Variants in RIMKLA observed in about 807,000 individuals in gnomAD.
RIMKLA encodes N-acetylaspartylglutamate synthase A.
A neutral mutation model predicts 32.7 loss-of-function variants in RIMKLA; 14 were observed. The observed-to-expected ratio is 0.43, with a 90% confidence interval of 0.28 to 0.67. The LOEUF is 0.67. Ranked by LOEUF, RIMKLA falls within the 30% of genes least tolerant of loss-of-function variation. RIMKLA has a pLI of 0.18. For missense variants in RIMKLA, 410 were observed against 519.0 expected (o/e 0.79, Z 2.04); for synonymous variants, 176 against 204.1 (o/e 0.86, Z 1.18).
At chr1:42,388,182 G>A (rs1642966520) in intron 1 of RIMKLA, among the ~76,000 whole-genome samples, 1 of 152,132 alleles carries the variant, frequency 6.6e-6, no homozygotes, top group Non-Finnish European at 1.5e-5. Context: ...CTTTTACTCT[G>A]GATGAGCTGG....
At position 42,414,404 on chromosome 1, in the gene RIMKLA, T is replaced by C. The variant is rs1643227693; in HGVS notation, c.686-80T>C. On this transcript the variant is annotated intron_variant, in intron 4 of 4. Coordinates refer to ENST00000431473, the MANE Select transcript of RIMKLA (RefSeq NM_173642.4). Reference sequence around the variant, plus strand: ...ATCGAGCCTCTCTTTCTGCCCCTCCTGGGCAGATCCCTGTCTCTTCTTTGA... The same window carrying C: ...ATCGAGCCTCTCTTTCTGCCCCTCCCGGGCAGATCCCTGTCTCTTCTTTGA... 2.8e-6 allele frequency: 4 copies of C among 1,453,698 alleles called. No homozygotes were observed. The South Asian group carries it at 5.2e-5, about 19-fold the overall frequency. 90.0% of individuals were successfully genotyped at this position (1,453,698 alleles called of 1,614,324 possible).
chr1:42,397,321 A>G (rs763923474), intron 1 of RIMKLA, among the ~76,000 whole-genome samples: 3 of 152,192 alleles, frequency 2.0e-5, no homozygotes, highest in Non-Finnish European at 4.4e-5. Flanking sequence ...TAACTTCATT[A>G]GCACCCTTTT....
chr1:42,382,173 G>A (rs891210816), intron 1 of RIMKLA, among the ~76,000 whole-genome samples: 2 of 152,228 alleles, frequency 1.3e-5, no homozygotes, highest in East Asian at 1.9e-4. Context: ...CAAGTTTATC[G>A]AAGTCCCTCA....
At chr1:42,398,745 C>G (rs1643068268) in intron 1 of RIMKLA, among the ~76,000 whole-genome samples, 1 of 152,072 alleles carries the variant, frequency 6.6e-6, no homozygotes, top group African/African-American at 2.4e-5. Context: ...GGCGAGTGAA[C>G]TGCTTGAGCT....
chr1:42,395,960 G>A (rs190495779), intron 1 of RIMKLA, among the ~76,000 whole-genome samples: 2 of 152,276 alleles, frequency 1.3e-5, no homozygotes, highest in East Asian at 3.9e-4. Flanking sequence ...CAGAGCTAGC[G>A]CTGGGGGCGG....
intron 1 of RIMKLA, among the ~76,000 whole-genome samples, chr1:42,384,016 T>G (rs1642913003): frequency 1.3e-5 from 2 of 152,276 alleles, no homozygotes; most frequent in Admixed American, 6.5e-5. Flanking sequence ...TTCCATTGCT[T>G]CTTTATGTTA....
At chr1:42,413,985 G>A (rs979197197) in intron 4 of RIMKLA, among the ~76,000 whole-genome samples, 1 of 151,384 alleles carries the variant, frequency 6.6e-6, no homozygotes, top group Admixed American at 6.6e-5. Flanking sequence ...CAAACGCTTG[G>A]CCTCAAGCAA....
intron 1 of RIMKLA, among the ~76,000 whole-genome samples, chr1:42,390,836 G>A (rs1479000483): frequency 6.6e-6 from 1 of 152,118 alleles, no homozygotes; most frequent in Non-Finnish European, 1.5e-5. Context: ...ACAAAGGAGG[G>A]ACATAAAGGG....
chr1:42,413,842 C>G (rs1015066841), intron 4 of RIMKLA, among the ~76,000 whole-genome samples: 9 of 149,652 alleles, frequency 6.0e-5, no homozygotes, highest in Non-Finnish European at 1.2e-4. Context: ...TAGGGTTCCT[C>G]CCACCCCAGC....
chr1:42,411,472 CT>C (rs5773773), intron 4 of RIMKLA, among the ~76,000 whole-genome samples: 1 of 147,024 alleles, frequency 6.8e-6, no homozygotes. Context: ...CTTTTCTTTT[CT>C]TTTTTTTGAG....
rs1255103894 is a variant in RIMKLA at position 42,419,354 on chromosome 1, T to C, written c.*4380T>C. ...TAATTTTGCTGTGAGGTTCATGTTCTCTGGGGCTCCAGGGCAACACTAAGA... is the reference window on the plus strand; with the variant it reads ...TAATTTTGCTGTGAGGTTCATGTTCCCTGGGGCTCCAGGGCAACACTAAGA... On this transcript the variant is annotated 3_prime_UTR_variant, in exon 5 of 5. Transcript: ENST00000431473. The C allele has an allele frequency of 6.6e-6, 1 of 152,298 alleles. No homozygotes were observed. The highest frequency in any genetic ancestry group is 1.5e-5 in the Non-Finnish European group (1 of 68,110). 9.4% of individuals were successfully genotyped at this position (152,298 alleles called of 1,614,324 possible). A position where few individuals can be genotyped will look rare whatever the true frequency, so the allele number is the denominator to read the frequency against.
rs1214012130 is a variant in RIMKLA at position 42,423,570 on chromosome 1, C to G, written c.*8596C>G. 6.6e-6 allele frequency among the ~76,000 whole-genome samples: 1 copy of G among 152,186 alleles called. No individual in the cohort carries two copies. Among genetic ancestry groups the G allele is most frequent in the South Asian group, 2.1e-4 (1 of 4,832 alleles). ...CCTACCCTCTTGACGGTGGCTCTGG[C>G]AGAAACCATGCTGCAGGGGCACAGG... is the stretch of plus-strand genomic sequence containing the variant. On this transcript the variant is annotated 3_prime_UTR_variant, in exon 5 of 5. Transcript: ENST00000431473.
At chr1:42,405,275 G>A (rs896021019) in intron 3 of RIMKLA, among the ~76,000 whole-genome samples, 1 of 152,114 alleles carries the variant, frequency 6.6e-6, no homozygotes, top group African/African-American at 2.4e-5. Context: ...ATAGCATTTT[G>A]TATGTGCCTC....
chr1:42,383,331 G>C (rs1337136766), intron 1 of RIMKLA, among the ~76,000 whole-genome samples: 2 of 152,182 alleles, frequency 1.3e-5, no homozygotes, highest in African/African-American at 2.4e-5. Flanking sequence ...AAAACGATTA[G>C]ATCACCAATT....
Position 42,380,868 on chromosome 1 carries a change from C to T in RIMKLA, c.-67C>T. 8.9e-7 allele frequency: 1 copy of T among 1,120,332 alleles called. No homozygotes were observed. The highest frequency in any genetic ancestry group is 1.6e-5 in the African/African-American group (1 of 61,050). 69.4% of individuals were successfully genotyped at this position (1,120,332 alleles called of 1,614,324 possible). ...GGACGCCGGCCGCCCCTCCGCTCGC[C>T]CTACTGAGCGAGCGGCCCGGGGCGC... On this transcript the variant is annotated 5_prime_UTR_variant, in exon 1 of 5. Transcript: ENST00000431473.
intron 4 of RIMKLA, among the ~76,000 whole-genome samples, chr1:42,410,571 TAAG>T (rs1643188993): frequency 6.6e-6 from 1 of 152,176 alleles, no homozygotes; most frequent in Admixed American, 6.5e-5. Flanking sequence ...AAAAAAATAA[TAAG>T]AGTCTAAAGT....
chr1:42,387,620 G>C (rs1165251474), intron 1 of RIMKLA, among the ~76,000 whole-genome samples: 1 of 152,074 alleles, frequency 6.6e-6, no homozygotes, highest in Non-Finnish European at 1.5e-5. Flanking sequence ...CATTGTACTA[G>C]GCAGTAGAGA....
chr1:42,383,459 G>A (rs551857660), intron 1 of RIMKLA, among the ~76,000 whole-genome samples: 6 of 152,302 alleles, frequency 3.9e-5, no homozygotes, highest in East Asian at 1.9e-4. Flanking sequence ...TGCCTTGCAC[G>A]TAGTAGGCTC....
rs1357958988 is a variant in RIMKLA at position 42,380,872 on chromosome 1, C to T, written c.-63C>T. 2 of 1,164,740 alleles carry T rather than the reference C, an allele frequency of 1.7e-6. No individual in the cohort carries two copies. Among genetic ancestry groups the T allele is most frequent in the Non-Finnish European group, 2.1e-6 (2 of 937,250 alleles). The allele number at this position is 1,164,740 out of a possible 1,614,324, so 72.2% of individuals were successfully genotyped here. A position where few individuals can be genotyped will look rare whatever the true frequency, so the allele number is the denominator to read the frequency against. ...GCCGGCCGCCCCTCCGCTCGCCCTA[C>T]TGAGCGAGCGGCCCGGGGCGCCGAG... On this transcript the variant is annotated 5_prime_UTR_variant, in exon 1 of 5. Transcript: ENST00000431473.
Sources: allele counts gnomAD v4.1 joint callset (sites outside exome capture counted in the v4.1 genomes callset), GRCh38; gene constraint gnomAD v4.1.1; transcripts MANE v1.5; gene names NCBI Gene and HGNC (gene_info 2026-07-23, HGNC 2026-07-21).